The following OPA1 variants were observed in gnomAD, a reference collection of about 807,000 sequenced individuals.
The protein encoded by OPA1 is dynamin-like GTPase OPA1, mitochondrial.
In OPA1, 59 loss-of-function variants were observed where a neutral mutation model predicts 152.9. The ratio of observed to expected loss-of-function variants is 0.39; its 90% CI spans 0.31 to 0.48. The LOEUF (loss-of-function observed/expected upper bound fraction) is 0.48, where lower values mean the gene tolerates loss of function less well. Among genes scored for constraint, OPA1 ranks in the 20% least tolerant of loss-of-function variants. OPA1 has a pLI of 0.96. For missense variants in OPA1, 1,008 were observed against 1,216.8 expected (o/e 0.83, Z 2.55); for synonymous variants, 400 against 389.9 (o/e 1.03, Z -0.31).
chr3:193,671,476 A>C (rs1717904126), intron 29 of OPA1, among the ~76,000 whole-genome samples: 1 of 152,214 alleles, frequency 6.6e-6, no homozygotes, highest in Non-Finnish European at 1.5e-5. Context: ...AACTAAATGC[A>C]ATGTATGATC....
intron 29 of OPA1, among the ~76,000 whole-genome samples, chr3:193,690,222 T>A (rs1054489944): frequency 1.9e-4 from 29 of 151,960 alleles, no homozygotes; most frequent in African/African-American, 7.0e-4. Context: ...AGTTTAATTT[T>A]ATATATAAGG....
rs1174041493 is a variant in OPA1 at position 193,625,456 on chromosome 3, C to T, written c.679-636C>T. On this transcript the variant is annotated intron_variant, in intron 6 of 30. Transcript: ENST00000361510. Reference sequence around the variant, plus strand: ...AAACAGCTCATAAAAAGTGAAAATTCGGTCAGACTAGTTATTTGATATTAT... The same window carrying T: ...AAACAGCTCATAAAAAGTGAAAATTTGGTCAGACTAGTTATTTGATATTAT... Among the ~76,000 whole-genome samples the T allele has an allele frequency of 2.6e-5, 4 of 151,826 alleles. No individual in the cohort carries two copies. In the East Asian group the frequency reaches 5.8e-4, roughly 22 times the overall value.
intron 27 of OPA1, among the ~76,000 whole-genome samples, 194 bp from the exon 28 acceptor site, chr3:193,666,102 G>A (rs1716472342): frequency 6.6e-6 from 1 of 152,130 alleles, no homozygotes; most frequent in African/African-American, 2.4e-5. Flanking sequence ...ACAGATATAA[G>A]CCAAATTATG....
At chr3:193,604,914 G>A (rs1241900644) in intron 1 of OPA1, among the ~76,000 whole-genome samples, 1 of 150,472 alleles carries the variant, frequency 6.6e-6, no homozygotes. Context: ...TTCCATTGAA[G>A]CCCTGTGACC....
chr3:193,593,358 G>A lies in OPA1; in HGVS notation c.-20G>A, dbSNP rs1193736341. 2 of 1,544,000 alleles carry A rather than the reference G, an allele frequency of 1.3e-6. No individual in the cohort carries two copies. The highest frequency in any genetic ancestry group is 1.7e-6 in the Non-Finnish European group (2 of 1,143,608). On this transcript the variant is annotated 5_prime_UTR_variant, in exon 1 of 31. It adds an upstream start codon to the 5' untranslated region. Transcript: ENST00000361510. ...CCCGCGTGGCCGTCTCGGCGCCTGCGTGACCTCCCCGCCGGCGGGATGTGG... is the reference window on the plus strand; with the variant it reads ...CCCGCGTGGCCGTCTCGGCGCCTGCATGACCTCCCCGCCGGCGGGATGTGG...
In OPA1 at chr3:193,643,591, A is replaced by T. The variant is rs759032999; in HGVS notation, c.1441A>T (p.Met481Leu). The T allele has an allele frequency of 2.5e-5, 41 of 1,613,874 alleles. No homozygotes were observed. The South Asian group carries it at 4.3e-4, about 17-fold the overall frequency. The change falls in exon 15 of 31, where the codon ATG becomes TTG. Residue 481 changes from methionine (M) to leucine (L), a missense_variant. Physicochemically the swap from Met to Leu is conservative, Grantham distance 15. Transcript: ENST00000361510. Reference protein sequence around the residue: ...ETIFSISKAYMQNPNAIILCI... With the variant: ...ETIFSISKAYLQNPNAIILCI... ...TATTTTCAGTATCAGCAAAGCTTAC[A>T]TGCAGAATCCTAATGCCATCATACT...
chr3:193,656,974 C>A, intron 22 of OPA1, 106 bp from the exon 23 acceptor site: 1 of 985,160 alleles, frequency 1.0e-6, no homozygotes, highest in South Asian at 1.7e-5. Flanking sequence ...TTCTGATAAG[C>A]TGATTTATTT....
intron 23 of OPA1, among the ~76,000 whole-genome samples, chr3:193,658,471 A>AT (rs964164474): frequency 6.6e-6 from 1 of 152,044 alleles, no homozygotes; most frequent in African/African-American, 2.4e-5. Flanking sequence ...ATGGTTAATA[A>AT]TTTTTTTCTC....
chr3:193,679,927 C>T (rs1719861364), intron 29 of OPA1, among the ~76,000 whole-genome samples: 1 of 152,076 alleles, frequency 6.6e-6, no homozygotes, highest in African/African-American at 2.4e-5. Flanking sequence ...TTTTATTTTT[C>T]TGAGCCTGAT....
chr3:193,658,036 C>T (rs1468989398), intron 23 of OPA1, among the ~76,000 whole-genome samples: 5 of 151,878 alleles, frequency 3.3e-5, no homozygotes, highest in South Asian at 2.1e-4. Flanking sequence ...ACCTGAGGTC[C>T]GGAGTTTGAG....
At chr3:193,619,009 T>A (rs1029169789) in intron 6 of OPA1, 73 bp downstream of exon 6, 7 of 1,195,508 alleles carry the variant, frequency 5.9e-6, no homozygotes, top group Non-Finnish European at 8.7e-6. Flanking sequence ...CTTTGGAAGA[T>A]TTTAAAATGA....
At chr3:193,641,451 T>G (rs1187553517) in intron 11 of OPA1, among the ~76,000 whole-genome samples, 1 of 966 alleles carries the variant, frequency 1.0e-3, no homozygotes, top group Non-Finnish European at 2.0e-3. Context: ...GTGCGCAGGA[T>G]GTAGGGTTTT....
intron 29 of OPA1, among the ~76,000 whole-genome samples, chr3:193,681,770 A>C (rs191260618): frequency 6.6e-6 from 1 of 151,090 alleles, no homozygotes; most frequent in Non-Finnish European, 1.5e-5. Context: ...TATTGTAGCT[A>C]TTTTGGGTAC....
intron 29 of OPA1, chr3:193,668,561 GAC>G: frequency 6.5e-7 from 1 of 1,547,714 alleles, no homozygotes; most frequent in African/African-American, 1.4e-5. Flanking sequence ...CCTGAAGCCA[GAC>G]CATGCCTTTG....
chr3:193,653,210 C>T (rs1451332592), intron 21 of OPA1, among the ~76,000 whole-genome samples: 1 of 152,184 alleles, frequency 6.6e-6, no homozygotes, highest in African/African-American at 2.4e-5. Context: ...ATATCCTCCT[C>T]AGACTCTGAT....
chr3:193,630,758 G>A lies in OPA1; in HGVS notation c.790-854G>A, dbSNP rs907823544. 5.3e-5 allele frequency among the ~76,000 whole-genome samples: 8 copies of A among 152,136 alleles called. No homozygotes were observed. The East Asian group carries it at 1.5e-3, about 29-fold the overall frequency. ...CCTCTTACCAAGAAGTCAAAGCACA[G>A]TTATGTGAATTCATCATAAATCACA... On this transcript the variant is annotated intron_variant, in intron 7 of 30. Transcript: ENST00000361510.
intron 1 of OPA1, among the ~76,000 whole-genome samples, chr3:193,603,149 G>C (rs1347952200): frequency 6.6e-6 from 1 of 152,196 alleles, no homozygotes; most frequent in Non-Finnish European, 1.5e-5. Context: ...CACTTTGTCT[G>C]TTCCATGATG....
chr3:193,594,779 A>G (rs1725247821), intron 1 of OPA1, among the ~76,000 whole-genome samples: 1 of 152,222 alleles, frequency 6.6e-6, no homozygotes. Context: ...GAATTATTGC[A>G]TAGGTATTTT....
At position 193,647,116 on chromosome 3, in the gene OPA1, A is replaced by G. The variant is rs376547552; in HGVS notation, c.1806A>G (p.Ala602=). Residue 602 remains alanine (A), a synonymous_variant, in exon 19 of 31, where the codon GCA becomes GCG. Coordinates refer to ENST00000361510, the MANE Select transcript of OPA1 (RefSeq NM_130837.3). ...TGACTACAAGAAATTTAAGCCTTGC[A>G]GTATCAGACTGCTTTTGGAAAATGG... ...HQVTTRNLSL[A]VSDCFWKMVR... is the part of the protein sequence containing the mutation. 69 of 1,613,646 alleles carry G rather than the reference A, an allele frequency of 4.3e-5. No homozygotes were observed. The highest frequency in any genetic ancestry group is 5.4e-5 in the Non-Finnish European group (64 of 1,179,904).
Sources: allele counts gnomAD v4.1 joint callset (sites outside exome capture counted in the v4.1 genomes callset), GRCh38; gene constraint gnomAD v4.1.1; transcripts MANE v1.5; gene names NCBI Gene and HGNC (gene_info 2026-07-23, HGNC 2026-07-21).